Variants in SOX5 observed in about 807,000 individuals in gnomAD.
SOX5 encodes the protein transcription factor SOX-5.
Under a neutral mutation model 92.0 loss-of-function variants are expected in SOX5, and 9 were observed. That is an observed-to-expected ratio of 0.10 (90% CI 0.06 to 0.17). The LOEUF (loss-of-function observed/expected upper bound fraction) is 0.17. SOX5 is among the 10% of genes least tolerant of loss of function. SOX5 has a pLI of 1.00. For missense variants in SOX5, 642 were observed against 944.5 expected, an observed-to-expected ratio of 0.68 and a Z score of 4.20; for synonymous variants, 344 against 336.3, an observed-to-expected ratio of 1.02 and a Z score of -0.25.
Position 23,919,506 on chromosome 12 carries a change from AC to A in SOX5, c.39-23483del, listed in dbSNP as rs1450860350. ...AATGTGGTAATAAAATGCAGCTAATACTTATATAGCAACTAAGATATCACAC... is the reference window on the plus strand; with the variant it reads ...AATGTGGTAATAAAATGCAGCTAATATTATATAGCAACTAAGATATCACAC... On this transcript the variant is annotated intron_variant, in intron 1 of 14. Transcript: ENST00000451604. 5.9e-5 allele frequency among the ~76,000 whole-genome samples: 9 copies of A among 152,328 alleles called. No individual in the cohort carries two copies. The South Asian group carries it at 1.7e-3, about 28-fold the overall frequency.
chr12:24,283,431 T>C (rs933372526), intron 2 of SOX5, among the ~76,000 whole-genome samples: 1 of 152,224 alleles, frequency 6.6e-6, no homozygotes, highest in African/African-American at 2.4e-5. Context: ...GGACTGTTGC[T>C]TGCATATACG....
chr12:23,830,495 T>C (rs1352119674), intron 3 of SOX5, among the ~76,000 whole-genome samples: 2 of 152,158 alleles, frequency 1.3e-5, no homozygotes, highest in Non-Finnish European at 2.9e-5. Context: ...TGTCCTTCAG[T>C]GGAACAGCAC....
chr12:23,967,344 A>T (rs1335745398), intron 4 of SOX5, among the ~76,000 whole-genome samples: 1 of 152,130 alleles, frequency 6.6e-6, no homozygotes, highest in Admixed American at 6.5e-5. Context: ...CTGGTATTTT[A>T]AAAAAGTATA....
intron 4 of SOX5, among the ~76,000 whole-genome samples, chr12:24,165,125 G>A (rs1313288920): frequency 2.0e-5 from 3 of 151,988 alleles, no homozygotes; most frequent in Admixed American, 6.6e-5. Flanking sequence ...AAAACTTTGT[G>A]CATATGCCTA....
intron 1 of SOX5, among the ~76,000 whole-genome samples, chr12:24,558,309 A>C (rs909826601): frequency 6.6e-6 from 1 of 152,182 alleles, no homozygotes; most frequent in African/African-American, 2.4e-5. Context: ...TCGCTGGTAA[A>C]GCCTTCAAAA....
rs764075128 is a variant in SOX5 at position 24,261,490 on chromosome 12, C to T, written c.-77+15726G>A. Reference sequence around the variant, plus strand: ...CTTGAATTCGAAAATCCACTCCCACCTACCCACCCCAAAGCCACACCACAC... The same window carrying T: ...CTTGAATTCGAAAATCCACTCCCACTTACCCACCCCAAAGCCACACCACAC... On this transcript the variant is annotated intron_variant, in intron 3 of 4. Coordinates refer to the SOX5 transcript ENST00000446891. Among the ~76,000 whole-genome samples, 23 of 152,272 alleles carry T rather than the reference C, an allele frequency of 1.5e-4. 1 individual carries two copies. Among genetic ancestry groups the T allele is most frequent in the Admixed American group, 8.5e-4 (13 of 15,292 alleles).
At chr12:23,597,564 G>C (rs1309955993) in intron 9 of SOX5, among the ~76,000 whole-genome samples, 1 of 152,068 alleles carries the variant, frequency 6.6e-6, no homozygotes, top group East Asian at 1.9e-4. Flanking sequence ...ACCACAAAAA[G>C]AAAACTATTT....
intron 1 of SOX5, among the ~76,000 whole-genome samples, chr12:24,489,088 T>C (rs998325067): frequency 6.6e-6 from 1 of 152,232 alleles, no homozygotes; most frequent in Non-Finnish European, 1.5e-5. Context: ...ACGGGACCAA[T>C]GTGAAACCCC....
chr12:24,497,149 T>C (rs943462100), intron 1 of SOX5, among the ~76,000 whole-genome samples: 2 of 152,252 alleles, frequency 1.3e-5, no homozygotes, highest in African/African-American at 4.8e-5. Flanking sequence ...CATATAATTT[T>C]ACAGTTGAAT....
chr12:23,571,175 T>C (rs1948318112), intron 10 of SOX5, among the ~76,000 whole-genome samples: 1 of 149,898 alleles, frequency 6.7e-6, no homozygotes, highest in Non-Finnish European at 1.5e-5. Flanking sequence ...TAATAATAAA[T>C]AAATAAAATA....
intron 1 of SOX5, among the ~76,000 whole-genome samples, chr12:24,471,526 C>T (rs1285415949): frequency 1.3e-5 from 2 of 152,110 alleles, no homozygotes; most frequent in Non-Finnish European, 2.9e-5. Context: ...ATTAAGTTAC[C>T]TCATACTGAC....
chr12:23,612,946 A>G (rs958104980), intron 8 of SOX5, among the ~76,000 whole-genome samples: 2 of 152,182 alleles, frequency 1.3e-5, no homozygotes, highest in African/African-American at 4.8e-5. Flanking sequence ...ATCTTTCAAA[A>G]CACAGCAGCA....
chr12:24,131,918 T>C (rs796273360), intron 4 of SOX5, among the ~76,000 whole-genome samples: 51 of 151,404 alleles, frequency 3.4e-4, no homozygotes, highest in African/African-American at 1.2e-3. Flanking sequence ...ATTTCCTGCA[T>C]TTTTTCTTTT....
At chr12:23,570,675 C>T (rs1049096632) in intron 10 of SOX5, among the ~76,000 whole-genome samples, 2 of 151,436 alleles carry the variant, frequency 1.3e-5, no homozygotes, top group Non-Finnish European at 2.9e-5. Context: ...CTTTGGGAGG[C>T]CCAGGCAGGC....
chr12:23,634,789 G>A (rs991170138), intron 8 of SOX5, among the ~76,000 whole-genome samples: 1 of 151,872 alleles, frequency 6.6e-6, no homozygotes, highest in Non-Finnish European at 1.5e-5. Context: ...TTCTGCTATT[G>A]TCTCGTTTTA....
intron 8 of SOX5, among the ~76,000 whole-genome samples, chr12:23,631,909 A>C (rs1023744118): frequency 6.6e-6 from 1 of 152,066 alleles, no homozygotes; most frequent in African/African-American, 2.4e-5. Context: ...CAGGAACTCT[A>C]GGGGTGGTAA....
At chr12:24,303,984 T>TTG (rs1481702437) in intron 2 of SOX5, among the ~76,000 whole-genome samples, 1 of 152,240 alleles carries the variant, frequency 6.6e-6, no homozygotes, top group East Asian at 1.9e-4. Flanking sequence ...ACAGCACTAA[T>TTG]GGAGCTCGAT....
intron 2 of SOX5, among the ~76,000 whole-genome samples, chr12:24,340,272 G>T (rs779650666): frequency 6.6e-6 from 1 of 152,202 alleles, no homozygotes; most frequent in South Asian, 2.1e-4. Context: ...GAAAGGTAGT[G>T]TATTTACAGA....
At chr12:23,966,293 A>G (rs961915354) in intron 4 of SOX5, among the ~76,000 whole-genome samples, 1 of 149,662 alleles carries the variant, frequency 6.7e-6, no homozygotes, top group African/African-American at 2.5e-5. Context: ...AGAATGAGGG[A>G]AGAAACAAGT....
Sources: gnomAD v4.1 joint callset for allele counts (sites outside exome capture counted in the v4.1 genomes callset) on GRCh38, gnomAD v4.1.1 for gene constraint, MANE v1.5 for transcripts, NCBI Gene and HGNC (gene_info 2026-07-23, HGNC 2026-07-21) for gene names.